The following MPP3 variants were observed in gnomAD, a reference collection of about 807,000 sequenced individuals.
The protein encoded by MPP3 is MAGUK p55 scaffold protein 3.
In MPP3, 48 loss-of-function variants were observed where a neutral mutation model predicts 80.7. The ratio of observed to expected loss-of-function variants is 0.59; its 90% CI spans 0.47 to 0.76. The LOEUF (loss-of-function observed/expected upper bound fraction) is 0.76. MPP3 is among the 30% of genes least tolerant of loss of function. MPP3 has a pLI of 0.00. For synonymous variants in MPP3, 311 were observed against 297.6 expected (o/e 1.04, Z -0.46); for missense variants, 620 against 763.0 (o/e 0.81, Z 2.21).
chr17:43,811,374 G>A lies in MPP3; in HGVS notation c.1256-169C>T, dbSNP rs79000048. 3.8e-4 allele frequency: 230 copies of A among 606,340 alleles called. 3 individuals are homozygous for A. In the East Asian group the frequency reaches 5.2e-3, roughly 14 times the overall value. The allele number at this position is 606,340 out of a possible 1,614,324, so 37.6% of individuals were successfully genotyped here. On this transcript the variant is annotated intron_variant, in intron 16 of 19. Coordinates refer to ENST00000398389, the MANE Select transcript of MPP3 (RefSeq NM_001932.6). ...AGGCACTGTGCCTTTCCAGGCAGGC[G>A]TATCACTGATTCACACAACAACTCT...
intron 10 of MPP3, 31 bp downstream of exon 10, chr17:43,823,900 G>C (rs2045575268): frequency 6.5e-7 from 1 of 1,545,572 alleles, no homozygotes; most frequent in Non-Finnish European, 8.9e-7. Context: ...CTCAAGCTGA[G>C]AGAGGGCACC....
chr17:43,827,718 G>A, intron 8 of MPP3, 33 bp downstream of exon 8: 1 of 1,603,874 alleles, frequency 6.2e-7, no homozygotes, highest in Non-Finnish European at 8.5e-7. Context: ...GCCATGATCG[G>A]GGCTGGGCCA....
Position 43,815,920 on chromosome 17 carries a change from G to C in MPP3, c.1009+118C>G, listed in dbSNP as rs2045103596. On this transcript the variant is annotated intron_variant, in intron 14 of 19. Coordinates refer to ENST00000398389, the MANE Select transcript of MPP3 (RefSeq NM_001932.6). ...ACTGAGGAGAGATGGGGGTCCCATA[G>C]GCTCCACTGCTCCAGAAGGACTCCT... The C allele has an allele frequency of 3.2e-6, 3 of 942,706 alleles. No individual in the cohort carries two copies. The East Asian group carries it at 8.7e-5, about 27-fold the overall frequency. 58.4% of individuals were successfully genotyped at this position (942,706 alleles called of 1,614,324 possible). A position where few individuals can be genotyped will look rare whatever the true frequency, so the allele number is the denominator to read the frequency against.
At chr17:43,831,103 G>C in intron 5 of MPP3, 141 bp downstream of exon 5, 1 of 736,594 alleles carries the variant, frequency 1.4e-6, no homozygotes, top group Admixed American at 2.5e-5. Context: ...AAGAGAAGGA[G>C]GAGGACAAGG....
chr17:43,811,757 C>G (rs2044872905), intron 16 of MPP3, among the ~76,000 whole-genome samples: 1 of 152,050 alleles, frequency 6.6e-6, no homozygotes, highest in Non-Finnish European at 1.5e-5. Flanking sequence ...CCACACCCGG[C>G]TAATTTTGTA....
At chr17:43,826,810 G>A (rs1334107732) in intron 8 of MPP3, among the ~76,000 whole-genome samples, 1 of 146,310 alleles carries the variant, frequency 6.8e-6, no homozygotes, top group African/African-American at 2.6e-5. Context: ...AGTACTCCAT[G>A]ACTATTTATA....
intron 7 of MPP3, among the ~76,000 whole-genome samples, chr17:43,828,656 C>T (rs919409569): frequency 6.6e-6 from 1 of 152,224 alleles, no homozygotes; most frequent in Non-Finnish European, 1.5e-5. Flanking sequence ...GTGGCTGTAA[C>T]TGCAAACACA....
At chr17:43,814,445 A>T in intron 14 of MPP3, 84 bp from the exon 15 acceptor site, 1 of 1,424,130 alleles carries the variant, frequency 7.0e-7, no homozygotes, top group Admixed American at 2.2e-5. Flanking sequence ...CCACCTGGCC[A>T]GACCTGGAGA....
Position 43,825,776 on chromosome 17 carries a change from C to T in MPP3, c.589G>A (p.Asp197Asn), listed in dbSNP as rs950407663. The stretch of plus-strand genomic sequence containing the variant: ...CGGACCAGAATCTGGCTGATCTCGT[C>T]GGGCCGCTTGTGCAGGACTGCGATC... ...NGIAVLHKRP[D>N]EISQILAQSQ... The change falls in exon 9 of 20, where the codon GAC becomes AAC. Residue 197 changes from aspartate (D) to asparagine (N), a missense_variant. Coordinates refer to ENST00000398389, the MANE Select transcript of MPP3 (RefSeq NM_001932.6). The T allele has an allele frequency of 7.4e-6, 12 of 1,612,796 alleles. No homozygotes were observed. The highest frequency in any genetic ancestry group is 2.2e-5 in the East Asian group (1 of 44,880).
intron 14 of MPP3, chr17:43,815,685 G>T: frequency 2.3e-6 from 1 of 435,676 alleles, no homozygotes; most frequent in Non-Finnish European, 4.2e-6. Flanking sequence ...CAAGTGAAAA[G>T]GGGCTCTGGA....
chr17:43,816,679 T>TCACAAGATGTGACACAAGA lies in MPP3; in HGVS notation c.964_965insTCTTGTGTCACATCTTGTG (p.Lys322IlefsTer7). The TCACAAGATGTGACACAAGA allele has an allele frequency of 6.3e-7, 1 of 1,576,704 alleles. No individual in the cohort carries two copies. Among genetic ancestry groups the TCACAAGATGTGACACAAGA allele is most frequent in the East Asian group, 2.3e-5 (1 of 43,302 alleles). ...CAGCGGATAGATACTGGGCCTACCT[T>TCACAAGATGTGACACAAGA]TGTCACAAGGCTGATCATCTGCGGT... On this transcript the variant is annotated stop_gained and frameshift_variant, in exon 13 of 20. Transcript: ENST00000398389. LOFTEE classifies it high-confidence loss of function.
At position 43,832,828 on chromosome 17, in the gene MPP3, G is replaced by C. The variant is rs2143204905; in HGVS notation, c.-96-9C>G. On this transcript the variant is annotated splice_polypyrimidine_tract_variant and intron_variant, in intron 1 of 19. Transcript: ENST00000398389. Reference sequence around the variant, plus strand: ...TCGCTCTCCGAAGGAACCTGTGGGAGAACAAGGAGCGCACTGGGCGCAGGA... The same window carrying C: ...TCGCTCTCCGAAGGAACCTGTGGGACAACAAGGAGCGCACTGGGCGCAGGA... 6.6e-6 allele frequency: 1 copy of C among 152,612 alleles called. No homozygotes were observed. Among genetic ancestry groups the C allele is most frequent in the Non-Finnish European group, 1.5e-5 (1 of 68,118 alleles). The allele number at this position is 152,612 out of a possible 1,614,324, so 9.5% of individuals were successfully genotyped here.
chr17:43,832,352 C>A (rs1374363106), intron 2 of MPP3: 2 of 222,622 alleles, frequency 9.0e-6, no homozygotes, highest in Non-Finnish European at 1.8e-5. Flanking sequence ...GCAGCGCGCC[C>A]CCTCCACTGC....
At chr17:43,826,964 CA>C (rs1227437695) in intron 8 of MPP3, among the ~76,000 whole-genome samples, 1 of 151,360 alleles carries the variant, frequency 6.6e-6, no homozygotes, top group East Asian at 1.9e-4. Context: ...GCCTCCCGAA[CA>C]GCTAGGACTA....
intron 16 of MPP3, 38 bp from the exon 17 acceptor site, chr17:43,811,243 C>A: frequency 6.7e-7 from 1 of 1,496,028 alleles, no homozygotes; most frequent in South Asian, 1.1e-5. Flanking sequence ...AAAGAGATGT[C>A]ACATCACAGC....
chr17:43,826,807 C>T (rs1366503275), intron 8 of MPP3, among the ~76,000 whole-genome samples: 1 of 148,734 alleles, frequency 6.7e-6, no homozygotes, highest in African/African-American at 2.6e-5. Context: ...CAAAGTACTC[C>T]ATGACTATTT....
At chr17:43,832,547 C>T (rs1261721268) in intron 2 of MPP3, among the ~76,000 whole-genome samples, 2 of 152,210 alleles carry the variant, frequency 1.3e-5, no homozygotes, top group African/African-American at 2.4e-5. Flanking sequence ...AGGGGGGACC[C>T]CTATCTCATG....
intron 2 of MPP3, among the ~76,000 whole-genome samples, chr17:43,832,465 C>G (rs1230384): frequency 1.3e-5 from 2 of 152,284 alleles, no homozygotes; most frequent in East Asian, 3.9e-4. Context: ...CAAGACCCAA[C>G]CCAAAGGGAG....
At chr17:43,817,914 T>G in intron 12 of MPP3, 132 bp downstream of exon 12, 3 of 284,550 alleles carry the variant, frequency 1.1e-5, no homozygotes, top group Non-Finnish European at 1.3e-5. Flanking sequence ...CCCTCCTTCC[T>G]CTGGAGTCCA....
Sources: allele counts gnomAD v4.1 joint callset (sites outside exome capture counted in the v4.1 genomes callset), GRCh38; gene constraint gnomAD v4.1.1; transcripts MANE v1.5; gene names NCBI Gene and HGNC (gene_info 2026-07-23, HGNC 2026-07-21).